ADAMTSL3: variants seen among roughly 807,000 people sequenced by gnomAD.
The protein encoded by ADAMTSL3 is ADAMTS-like protein 3.
ADAMTSL3 carries 128 observed loss-of-function variants against 201.7 expected under a neutral mutation model. That is an observed-to-expected ratio of 0.63 (90% CI 0.55 to 0.73). The LOEUF is 0.73. Ranked by LOEUF, ADAMTSL3 falls within the 30% of genes least tolerant of loss-of-function variation. The pLI is 0.00. For missense variants in ADAMTSL3, 1,990 were observed against 2,119.6 expected (o/e 0.94, Z 1.20); for synonymous variants, 738 against 748.4 (o/e 0.99, Z 0.23).
At chr15:83,976,358 C>T (rs1041273931) in intron 20 of ADAMTSL3, among the ~76,000 whole-genome samples, 1 of 152,064 alleles carries the variant, frequency 6.6e-6, no homozygotes, top group Non-Finnish European at 1.5e-5. Flanking sequence ...GATCAGTGGT[C>T]TACAGCCATT....
At chr15:83,662,573 A>C (rs2061188000) in intron 2 of ADAMTSL3, among the ~76,000 whole-genome samples, 1 of 145,892 alleles carries the variant, frequency 6.9e-6, no homozygotes, top group Admixed American at 6.9e-5. Flanking sequence ...AGTATAATAA[A>C]AAAAAAAAAG....
chr15:83,872,627 C>CACACACACACACACACACACAGAGAGAG (rs6145659), intron 9 of ADAMTSL3, among the ~76,000 whole-genome samples: 1 of 140,918 alleles, frequency 7.1e-6, no homozygotes, highest in African/African-American at 2.8e-5. Context: ...CACACACACA[C>CACACACACACACACACACACAGAGAGAG]AGAGTTTTTG....
chr15:83,920,448 A>G (rs2066118163), intron 16 of ADAMTSL3, among the ~76,000 whole-genome samples: 1 of 152,202 alleles, frequency 6.6e-6, no homozygotes, highest in South Asian at 2.1e-4. Context: ...GAACTCACCT[A>G]TTTGAAGTGC....
rs1235143783 is a variant in ADAMTSL3 at position 83,990,395 on chromosome 15, A to C, written c.3845-691A>C. Reference sequence around the variant, plus strand: ...ATTTATATTGAAAATGCCTGTGTACATCTCCTTCTGCACCCCTACACCTTG... The same window carrying C: ...ATTTATATTGAAAATGCCTGTGTACCTCTCCTTCTGCACCCCTACACCTTG... On this transcript the variant is annotated intron_variant, in intron 22 of 29. Transcript: ENST00000286744. Among the ~76,000 whole-genome samples the C allele has an allele frequency of 3.3e-5, 5 of 152,348 alleles. No individual in the cohort carries two copies. The East Asian group carries it at 9.6e-4, about 29-fold the overall frequency.
chr15:83,935,989 C>T (rs146867878), intron 17 of ADAMTSL3, among the ~76,000 whole-genome samples: 51 of 151,814 alleles, frequency 3.4e-4, no homozygotes, highest in Non-Finnish European at 4.4e-5. Context: ...CAAATTTTCA[C>T]TAAAGACAAT....
intron 28 of ADAMTSL3, 52 bp from the exon 29 acceptor site, chr15:84,036,721 C>G (rs780512256): frequency 5.4e-5 from 80 of 1,470,640 alleles, no homozygotes; most frequent in East Asian, 1.9e-4. Context: ...AAAAGTTACA[C>G]CCTGCCTCTC....
chr15:83,921,743 G>A (rs1456368810), intron 16 of ADAMTSL3, among the ~76,000 whole-genome samples: 1 of 152,158 alleles, frequency 6.6e-6, no homozygotes, highest in East Asian at 1.9e-4. Context: ...GGACTGCACT[G>A]GTACAATCAT....
chr15:83,896,771 G>A (rs1328752751), intron 13 of ADAMTSL3, among the ~76,000 whole-genome samples: 1 of 152,066 alleles, frequency 6.6e-6, no homozygotes, highest in East Asian at 1.9e-4. Context: ...TCACACTGCT[G>A]TAAAGATACT....
Position 83,892,713 on chromosome 15 carries a change from C to T in ADAMTSL3, c.1292C>T (p.Ser431Phe), listed in dbSNP as rs1596366496. 1 of 1,613,814 alleles carries T rather than the reference C, an allele frequency of 6.2e-7. No individual in the cohort carries two copies. The highest frequency in any genetic ancestry group is 2.2e-5 in the East Asian group (1 of 44,868). Residue 431 changes from serine (S) to phenylalanine (F), a missense_variant, in exon 13 of 30, where the codon TCC becomes TTC. Transcript: ENST00000286744. ...GAACATAATCCTTGGACTGCATGTT[C>T]CGTGTCCTGTGGAGGAGGGATTCAG... is the stretch of plus-strand genomic sequence containing the variant. ...RWEHNPWTAC[S>F]VSCGGGIQRR...
At chr15:83,801,655 T>TAAATAAATAA (rs1352203811) in intron 4 of ADAMTSL3, among the ~76,000 whole-genome samples, 6 of 37,108 alleles carry the variant, frequency 1.6e-4, no homozygotes, top group African/African-American at 4.8e-4. Flanking sequence ...AATATAAATA[T>TAAATAAATAA]ATATATATAT....
intron 3 of ADAMTSL3, among the ~76,000 whole-genome samples, chr15:83,729,237 T>C (rs1281926105): frequency 6.6e-6 from 1 of 152,104 alleles, no homozygotes; most frequent in Non-Finnish European, 1.5e-5. Context: ...TAGTCTTCTT[T>C]GGGTTAAATC....
chr15:83,705,212 T>C (rs1307313455), intron 3 of ADAMTSL3, among the ~76,000 whole-genome samples: 3 of 152,142 alleles, frequency 2.0e-5, no homozygotes, highest in Non-Finnish European at 4.4e-5. Flanking sequence ...CCTGAATTTA[T>C]GGGGCAGTTG....
intron 2 of ADAMTSL3, among the ~76,000 whole-genome samples, chr15:83,672,696 G>C (rs1249096974): frequency 6.6e-6 from 1 of 152,188 alleles, no homozygotes; most frequent in Admixed American, 6.5e-5. Context: ...TCCTTTCAAA[G>C]CAAACACTTC....
chr15:83,967,612 G>A (rs748403078), intron 19 of ADAMTSL3, among the ~76,000 whole-genome samples: 3 of 152,226 alleles, frequency 2.0e-5, no homozygotes, highest in East Asian at 1.9e-4. Context: ...ACTGCTGAAA[G>A]TAATTTATAG....
rs557178417 is a variant in ADAMTSL3, at chr15:83,727,179, G to A, written c.189+22671G>A. ...TTTTTCTAGATTTTTCAATGTATTG[G>A]CATATAGTTGCTCGTAATAACCACT... On this transcript the variant is annotated intron_variant, in intron 3 of 29. Transcript: ENST00000286744. Among the ~76,000 whole-genome samples, 7 of 151,682 alleles carry A rather than the reference G, an allele frequency of 4.6e-5. No homozygotes were observed. The South Asian group carries it at 8.3e-4, about 18-fold the overall frequency.
chr15:83,742,053 C>A (rs575229491), intron 3 of ADAMTSL3, among the ~76,000 whole-genome samples: 8 of 151,948 alleles, frequency 5.3e-5, no homozygotes, highest in South Asian at 2.1e-4. Context: ...TTTAAAAAAC[C>A]CTTGGGAAAG....
At chr15:83,835,108 G>C (rs890159785) in intron 6 of ADAMTSL3, among the ~76,000 whole-genome samples, 2 of 151,714 alleles carry the variant, frequency 1.3e-5, no homozygotes, top group Non-Finnish European at 2.9e-5. Context: ...GTGGCGGGTA[G>C]CTGTAGTCCC....
intron 13 of ADAMTSL3, 26 bp from the exon 14 acceptor site, chr15:83,897,832 G>T: frequency 1.3e-6 from 2 of 1,556,124 alleles, no homozygotes; most frequent in Non-Finnish European, 8.7e-7. Context: ...AAAGAAATGC[G>T]TTGGCTTCTC....
intron 2 of ADAMTSL3, among the ~76,000 whole-genome samples, chr15:83,670,511 G>T (rs1434035904): frequency 6.6e-6 from 1 of 151,466 alleles, no homozygotes; most frequent in Non-Finnish European, 1.5e-5. Context: ...ACACACATAT[G>T]CACACGTATG....
Sources: gnomAD v4.1 joint callset for allele counts (sites outside exome capture counted in the v4.1 genomes callset) on GRCh38, gnomAD v4.1.1 for gene constraint, MANE v1.5 for transcripts, NCBI Gene and HGNC (gene_info 2026-07-23, HGNC 2026-07-21) for gene names.